MAN2B2: variants seen among roughly 807,000 people sequenced by gnomAD.
MAN2B2 encodes the protein mannosidase alpha class 2B member 2, also known as epididymis-specific alpha-mannosidase.
Under a neutral mutation model 117.1 loss-of-function variants are expected in MAN2B2, and 106 were observed. The observed-to-expected ratio is 0.90, with a 90% CI of 0.77 to 1.06. The LOEUF (loss-of-function observed/expected upper bound fraction) is 1.06, where lower values mean the gene tolerates loss of function less well. Among genes scored for constraint, MAN2B2 ranks in the 50% least tolerant of loss-of-function variants. MAN2B2 has a pLI of 0.00. For missense variants in MAN2B2, 1,326 were observed against 1,381.4 expected, an observed-to-expected ratio of 0.96 and a Z score of 0.64; for synonymous variants, 544 against 595.1, an observed-to-expected ratio of 0.91 and a Z score of 1.25.
chr4:6,608,497 C>G (rs773216799), intron 11 of MAN2B2, among the ~76,000 whole-genome samples: 4 of 152,274 alleles, frequency 2.6e-5, no homozygotes, highest in African/African-American at 7.2e-5. Context: ...TTCTCCCATC[C>G]TCTGTCCTAA....
chr4:6,596,128 G>GTCCAGGTGGGCGTGGTA (rs1373047960), intron 7 of MAN2B2, among the ~76,000 whole-genome samples: 3 of 151,272 alleles, frequency 2.0e-5, no homozygotes, highest in Admixed American at 6.6e-5. Flanking sequence ...TGGGCGTGGT[G>GTCCAGGTGGGCGTGGTA]TCCAGGTGGG....
At chr4:6,620,157 G>C in intron 18 of MAN2B2, 113 bp downstream of exon 18, 1 of 865,680 alleles carries the variant, frequency 1.2e-6, no homozygotes, top group Non-Finnish European at 1.8e-6. Flanking sequence ...GCGACCTTGC[G>C]AGGCTGCTTT....
intron 3 of MAN2B2, among the ~76,000 whole-genome samples, chr4:6,580,012 C>G (rs1726367991): frequency 6.6e-6 from 1 of 152,260 alleles, no homozygotes; most frequent in South Asian, 2.1e-4. Context: ...TCCGAGTCCA[C>G]AGTCACTCCA....
intron 9 of MAN2B2, among the ~76,000 whole-genome samples, chr4:6,599,845 G>C (rs1053666825): frequency 1.3e-5 from 2 of 152,166 alleles, no homozygotes; most frequent in Non-Finnish European, 2.9e-5. Flanking sequence ...AGGCCCCCTG[G>C]CCTCAGGAAC....
At chr4:6,621,165 A>G in intron 18 of MAN2B2, 23 bp from the exon 19 acceptor site, 1 of 1,586,082 alleles carries the variant, frequency 6.3e-7, no homozygotes, top group Non-Finnish European at 8.7e-7. Flanking sequence ...GCCACACTGG[A>G]CAGATCACCT....
chr4:6,620,224 G>C, intron 18 of MAN2B2, 180 bp downstream of exon 18: 1 of 571,256 alleles, frequency 1.8e-6, no homozygotes. Flanking sequence ...GAAAGGCTTT[G>C]GGTTAGTCTC....
chr4:6,600,350 G>A, intron 9 of MAN2B2, among the ~76,000 whole-genome samples: 1 of 152,206 alleles, frequency 6.6e-6, no homozygotes, highest in East Asian at 1.9e-4. Flanking sequence ...TGTGTGAGGA[G>A]CGAATAGAAC....
intron 10 of MAN2B2, among the ~76,000 whole-genome samples, chr4:6,603,863 G>T (rs1727427813): frequency 6.6e-6 from 1 of 152,166 alleles, no homozygotes; most frequent in Non-Finnish European, 1.5e-5. Flanking sequence ...ACAGGTATCT[G>T]CTGTATTTGG....
chr4:6,611,540 C>T (rs1020719996), intron 15 of MAN2B2, among the ~76,000 whole-genome samples: 30 of 147,844 alleles, frequency 2.0e-4, no homozygotes, highest in African/African-American at 8.0e-4. Flanking sequence ...GTATCTTCTC[C>T]ATTTTCTTCT....
At chr4:6,577,964 A>G (rs971668349) in intron 2 of MAN2B2, among the ~76,000 whole-genome samples, 6 of 152,198 alleles carry the variant, frequency 3.9e-5, no homozygotes, top group Non-Finnish European at 7.3e-5. Flanking sequence ...CACAGCCTAT[A>G]AACAGCTGTG....
intron 6 of MAN2B2, among the ~76,000 whole-genome samples, chr4:6,594,287 A>T (rs1045814756): frequency 6.6e-6 from 1 of 152,102 alleles, no homozygotes; most frequent in East Asian, 1.9e-4. Flanking sequence ...TACTAAAAAT[A>T]TAAAAATTAG....
rs985122551 is a variant in MAN2B2, at chr4:6,605,400, G to A, written c.1814+71G>A. 58 of 1,514,022 alleles carry A rather than the reference G, an allele frequency of 3.8e-5. No individual in the cohort carries two copies. The African/African-American group carries it at 5.9e-4, about 15-fold the overall frequency. The allele number at this position is 1,514,022 out of a possible 1,614,324, so 93.8% of individuals were successfully genotyped here. On this transcript the variant is annotated intron_variant, in intron 11 of 18. Transcript: ENST00000285599. ...GCCTGGGCATGTCAGGCCCCTACCT[G>A]GATTCTCCATTTGCTCACTTGCCTG...
rs373997968 is a variant in MAN2B2 at position 6,576,643 on chromosome 4, G to T, written c.204G>T (p.Gln68His). 1 of 1,611,784 alleles carries T rather than the reference G, an allele frequency of 6.2e-7. No individual in the cohort carries two copies. The highest frequency in any genetic ancestry group is 1.3e-5 in the African/African-American group (1 of 74,970). ...TSVVEELARG[Q>H]QRRFIAVEQE... ...TGGTGGAAGAGCTGGCCCGCGGCCA[G>T]CAGCGCCGGTTCATCGCTGTGGAGC... Residue 68 changes from glutamine to histidine, a missense_variant, in exon 2 of 19, where the codon CAG becomes CAT. By Grantham distance (24) the Gln-to-His change is conservative (BLOSUM62 0). Coordinates refer to ENST00000285599, the MANE Select transcript of MAN2B2 (RefSeq NM_015274.3).
At chr4:6,605,020 G>T in intron 10 of MAN2B2, 35 bp from the exon 11 acceptor site, 1 of 1,592,178 alleles carries the variant, frequency 6.3e-7, no homozygotes, top group South Asian at 1.1e-5. Flanking sequence ...TGTGAGAGCT[G>T]ACAGTTAACA....
chr4:6,613,154 T>A (rs537721431), intron 15 of MAN2B2, among the ~76,000 whole-genome samples: 1 of 152,172 alleles, frequency 6.6e-6, no homozygotes, highest in African/African-American at 2.4e-5. Context: ...CCAATCAGCA[T>A]GGCCTGGGGT....
chr4:6,588,727 A>T (rs1036464832), intron 4 of MAN2B2, among the ~76,000 whole-genome samples: 2 of 152,132 alleles, frequency 1.3e-5, no homozygotes, highest in Non-Finnish European at 2.9e-5. Flanking sequence ...AAAATAAAAA[A>T]ATAAACTGCA....
Position 6,617,370 on chromosome 4 carries a change from G to A in MAN2B2, c.2702-10G>A. On this transcript the variant is annotated splice_polypyrimidine_tract_variant and intron_variant, in intron 16 of 18. Transcript: ENST00000285599. ...GGGTCTTCACTGCCACCTTCCTTCT[G>A]TCCCCAAAGGCCATCGAGGGGAAGC... The A allele has an allele frequency of 1.2e-6, 2 of 1,611,654 alleles. No homozygotes were observed. The highest frequency in any genetic ancestry group is 1.7e-6 in the Non-Finnish European group (2 of 1,178,268).
In MAN2B2 at chr4:6,579,051, T is replaced by TCAC. The variant is rs1560634155; in HGVS notation, c.391+562_391+564dup. On this transcript the variant is annotated intron_variant, in intron 3 of 18. Transcript: ENST00000285599. ...ATCACCACTACCACCATCACCACCA[T>TCAC]CACCACCACCATCACCATCACCACC... is the stretch of plus-strand genomic sequence containing the variant. Among the ~76,000 whole-genome samples, 3 of 34,202 alleles carry TCAC rather than the reference T, an allele frequency of 8.8e-5. No individual in the cohort carries two copies. In the East Asian group the frequency reaches 3.0e-3, roughly 34 times the overall value. 22.4% of individuals were successfully genotyped at this position (34,202 alleles called of 152,430 possible). A position where few individuals can be genotyped will look rare whatever the true frequency, so the allele number is the denominator to read the frequency against.
chr4:6,580,518 G>A (rs758572095), intron 3 of MAN2B2, among the ~76,000 whole-genome samples: 2 of 152,182 alleles, frequency 1.3e-5, no homozygotes, highest in Non-Finnish European at 2.9e-5. Context: ...CCGTGCCAGC[G>A]AGGAGGCTCT....
Sources: allele counts gnomAD v4.1 joint callset (sites outside exome capture counted in the v4.1 genomes callset), GRCh38; gene constraint gnomAD v4.1.1; transcripts MANE v1.5; gene names NCBI Gene and HGNC (gene_info 2026-07-23, HGNC 2026-07-21).